TTLL12: variants seen among roughly 807,000 people sequenced by gnomAD.
TTLL12 encodes the protein tubulin tyrosine ligase like 12.
In TTLL12, 77 loss-of-function variants were observed where a neutral mutation model predicts 79.6. That is an observed-to-expected ratio of 0.97 (90% CI 0.81 to 1.17). The LOEUF (loss-of-function observed/expected upper bound fraction) is 1.17. Ranked by LOEUF, TTLL12 falls within the 50% of genes most tolerant of loss-of-function variation. The pLI, the probability that TTLL12 is intolerant of heterozygous loss-of-function variation, is 0.00. For synonymous variants in TTLL12, 437 were observed against 376.1 expected (o/e 1.16, Z -1.87); for missense variants, 969 against 895.9 (o/e 1.08, Z -1.04).
intron 6 of TTLL12, among the ~76,000 whole-genome samples, chr22:43,174,977 C>G (rs113509808): frequency 1.3e-5 from 2 of 152,260 alleles, no homozygotes; most frequent in African/African-American, 4.8e-5. Flanking sequence ...CAATCTCAGA[C>G]AGGCACACCA....
intron 1 of TTLL12, 128 bp from the exon 2 acceptor site, chr22:43,183,277 T>A (rs1160189616): frequency 1.8e-6 from 2 of 1,142,502 alleles, no homozygotes; most frequent in Non-Finnish European, 2.5e-6. Flanking sequence ...CCTTCAGAGG[T>A]GTGGGACCTG....
Position 43,176,307 on chromosome 22 carries a change from G to C in TTLL12, c.917+13C>G, listed in dbSNP as rs746375186. 5 of 1,574,984 alleles carry C rather than the reference G, an allele frequency of 3.2e-6. No individual in the cohort carries two copies. The highest frequency in any genetic ancestry group is 1.3e-5 in the African/African-American group (1 of 74,708). ...ACAAGTCCCAGCCCAAGCAGTGGGG[G>C]GGGGCTACGCACTTGAAGATGTGGC... On this transcript the variant is annotated intron_variant, in intron 6 of 13. Coordinates refer to ENST00000216129, the MANE Select transcript of TTLL12 (RefSeq NM_015140.4).
chr22:43,186,314 G>A (rs1932184973), intron 1 of TTLL12, among the ~76,000 whole-genome samples: 1 of 152,170 alleles, frequency 6.6e-6, no homozygotes, highest in South Asian at 2.1e-4. Flanking sequence ...CAGGTGAGCC[G>A]GATGGGCCGT....
chr22:43,178,231 C>T (rs1338504325), intron 5 of TTLL12, among the ~76,000 whole-genome samples: 2 of 152,082 alleles, frequency 1.3e-5, no homozygotes, highest in African/African-American at 2.4e-5. Context: ...TGACTTAGAC[C>T]GAAAGTGAAA....
chr22:43,169,790 C>A, intron 11 of TTLL12: 1 of 631,826 alleles, frequency 1.6e-6, no homozygotes, highest in East Asian at 3.2e-5. Flanking sequence ...CTTCTCTGAG[C>A]CTGTTTCCTC....
chr22:43,171,646 C>G, intron 11 of TTLL12, 173 bp downstream of exon 11: 1 of 584,292 alleles, frequency 1.7e-6, no homozygotes. Flanking sequence ...ACACAGAACC[C>G]AGCCTGGCTC....
At chr22:43,180,683 A>C in intron 3 of TTLL12, 59 bp downstream of exon 3, 1 of 1,566,294 alleles carries the variant, frequency 6.4e-7, no homozygotes, top group Non-Finnish European at 8.7e-7. Context: ...GGCACAGGGC[A>C]GCGGAGGTCT....
At chr22:43,169,866 C>T (rs965570843) in intron 11 of TTLL12, 11 of 499,570 alleles carry the variant, frequency 2.2e-5, no homozygotes, top group Admixed American at 6.9e-5. Flanking sequence ...GTGAGGCTCA[C>T]GCGAGACAAT....
rs1436455928 is a variant in TTLL12, at chr22:43,168,169, A to G, written c.1784-10T>C. Reference sequence around the variant, plus strand: ...TGCATCACCCGCCTTCCTGATGGCAAAGAGCGCAGCAGAGTGTGAAGGCTC... The same window carrying G: ...TGCATCACCCGCCTTCCTGATGGCAGAGAGCGCAGCAGAGTGTGAAGGCTC... On this transcript the variant is annotated splice_polypyrimidine_tract_variant and intron_variant, in intron 13 of 13. Coordinates refer to ENST00000216129, the MANE Select transcript of TTLL12 (RefSeq NM_015140.4). 1 of 1,613,714 alleles carries G rather than the reference A, an allele frequency of 6.2e-7. No homozygotes were observed. The highest frequency in any genetic ancestry group is 1.1e-5 in the South Asian group (1 of 91,068).
chr22:43,167,898 G>A lies in TTLL12; in HGVS notation c.*110C>T. On this transcript the variant is annotated 3_prime_UTR_variant, in exon 14 of 14. Transcript: ENST00000216129. ...GGCAGGACAGAGGCCTGGGGCTGAG[G>A]CTATGCCCAGGGCCGGTGTGGGGAG... 1 of 1,398,464 alleles carries A rather than the reference G, an allele frequency of 7.2e-7. No homozygotes were observed. 86.6% of individuals were successfully genotyped at this position (1,398,464 alleles called of 1,614,324 possible).
Position 43,180,727 on chromosome 22 carries a change from C to G in TTLL12, c.546+15G>C, listed in dbSNP as rs1167909052. ...GCCTGTCCTCCCCCTCCCCGGGGCC[C>G]AGCTACCCACTCACCCCATGGGCCA... On this transcript the variant is annotated intron_variant, in intron 3 of 13. Coordinates refer to ENST00000216129, the MANE Select transcript of TTLL12 (RefSeq NM_015140.4). The G allele has an allele frequency of 6.2e-7, 1 of 1,612,300 alleles. No individual in the cohort carries two copies. Among genetic ancestry groups the G allele is most frequent in the Admixed American group, 1.7e-5 (1 of 59,974 alleles).
At position 43,171,899 on chromosome 22, in the gene TTLL12, C is replaced by G; in HGVS notation, c.1495G>C (p.Ala499Pro). Residue 499 changes from alanine to proline, a missense_variant and splice_region_variant, in exon 11 of 14, where the codon GCC becomes CCC. Ala to Pro is a conservative substitution (Grantham distance 27). Transcript: ENST00000216129. ...DVFWLRFSNR[A>P]FALNDLDDYE... ...TCATCCAGGTCGTTGAGTGCAAAGGCCCTGGAAGACAAGTGTGCAGACACA... is the reference window on the plus strand; with the variant it reads ...TCATCCAGGTCGTTGAGTGCAAAGGGCCTGGAAGACAAGTGTGCAGACACA... 1.2e-6 allele frequency: 2 copies of G among 1,614,020 alleles called. No homozygotes were observed. The highest frequency in any genetic ancestry group is 2.2e-5 in the South Asian group (2 of 91,062).
chr22:43,173,727 C>T lies in TTLL12; in HGVS notation c.1329G>A (p.Glu443=). 4 of 1,602,280 alleles carry T rather than the reference C, an allele frequency of 2.5e-6. No homozygotes were observed. The highest frequency in any genetic ancestry group is 3.4e-6 in the Non-Finnish European group (4 of 1,179,890). The change falls in exon 9 of 14, where the codon GAG becomes GAA. Residue 443 remains glutamate, a synonymous_variant. Coordinates refer to ENST00000216129, the MANE Select transcript of TTLL12 (RefSeq NM_015140.4). ...CTGCGGGGCCCACCTTGGGGGTGCTCTCTCGGTGCCGGATGATGCTGTGCA... is the reference window on the plus strand; with the variant it reads ...CTGCGGGGCCCACCTTGGGGGTGCTTTCTCGGTGCCGGATGATGCTGTGCA... ...KSLHSIIRHR[E]STPKVVSKYI...
chr22:43,171,951 T>C (rs1338024954), intron 10 of TTLL12, 51 bp from the exon 11 acceptor site: 2 of 1,532,456 alleles, frequency 1.3e-6, no homozygotes, highest in Non-Finnish European at 9.0e-7. Context: ...GCCTTGTCCC[T>C]GCGAGGGAGG....
chr22:43,169,869 G>T, intron 11 of TTLL12: 1 of 496,894 alleles, frequency 2.0e-6, no homozygotes, highest in South Asian at 1.5e-5. Context: ...AGGCTCACGC[G>T]AGACAATGAA....
chr22:43,185,533 C>T (rs770685629), intron 1 of TTLL12, among the ~76,000 whole-genome samples: 40 of 152,054 alleles, frequency 2.6e-4, no homozygotes, highest in Admixed American at 9.2e-4. Context: ...GGAAGGGTCA[C>T]GGAAAAACAC....
rs913898555 is a variant in TTLL12, at chr22:43,180,035, C to G, written c.547-35G>C. ...GAGCACATATGGCACCTCTCGCTCA[C>G]CCATCCACCCACCGGAACTCCCTTC... On this transcript the variant is annotated intron_variant, in intron 3 of 13. Transcript: ENST00000216129. 4 of 1,534,758 alleles carry G rather than the reference C, an allele frequency of 2.6e-6. No individual in the cohort carries two copies. The Admixed American group carries it at 5.8e-5, about 22-fold the overall frequency.
intron 1 of TTLL12, among the ~76,000 whole-genome samples, chr22:43,183,786 T>C (rs1051269210): frequency 6.6e-6 from 1 of 152,050 alleles, no homozygotes; most frequent in Admixed American, 6.5e-5. Context: ...AGCAGAGGGG[T>C]CCCTGGCACA....
Position 43,172,527 on chromosome 22 carries a change from C to A in TTLL12, c.1369G>T (p.Val457Leu). 1 of 1,614,106 alleles carries A rather than the reference C, an allele frequency of 6.2e-7. No individual in the cohort carries two copies. Among genetic ancestry groups the A allele is most frequent in the African/African-American group, 1.3e-5 (1 of 75,008 alleles). ...KVVSKYIESP[V>L]LFLREDVGKV... ...CCCACGTCTTCTCGAAGGAACAACA[C>A]GGGACTTTCGATGTACTTGGACACA... is the stretch of plus-strand genomic sequence containing the variant. Residue 457 changes from valine (V) to leucine (L), a missense_variant, in exon 10 of 14, where the codon GTG (valine) becomes TTG (leucine). Coordinates refer to ENST00000216129, the MANE Select transcript of TTLL12 (RefSeq NM_015140.4).
Sources: allele counts gnomAD v4.1 joint callset (sites outside exome capture counted in the v4.1 genomes callset), GRCh38; gene constraint gnomAD v4.1.1; transcripts MANE v1.5; gene names NCBI Gene and HGNC (gene_info 2026-07-23, HGNC 2026-07-21).